Variants in TMEM50B observed in about 807,000 individuals in gnomAD.
TMEM50B encodes the protein transmembrane protein 50B.
TMEM50B carries 14 observed loss-of-function variants against 23.4 expected under a neutral mutation model. The ratio of observed to expected loss-of-function variants is 0.60; its 90% CI spans 0.39 to 0.93. TMEM50B has a LOEUF of 0.93. TMEM50B is among the 40% of genes least tolerant of loss of function. The pLI is 0.00. For missense variants in TMEM50B, 159 were observed against 193.0 expected (o/e 0.82, Z 1.04); for synonymous variants, 64 against 62.3 (o/e 1.03, Z -0.13).
At chr21:33,475,756 A>G (rs374767304) in intron 1 of TMEM50B, among the ~76,000 whole-genome samples, 4 of 152,042 alleles carry the variant, frequency 2.6e-5, no homozygotes, top group Non-Finnish European at 5.9e-5. Flanking sequence ...AGAACAAGAC[A>G]ATCCTGGCTA....
At chr21:33,459,681 A>AT (rs1256396951) in intron 5 of TMEM50B, among the ~76,000 whole-genome samples, 1 of 151,566 alleles carries the variant, frequency 6.6e-6, no homozygotes, top group Admixed American at 6.6e-5. Context: ...AAAAAAAAAA[A>AT]AAATTACAGG....
intron 4 of TMEM50B, among the ~76,000 whole-genome samples, chr21:33,462,108 G>C (rs950785868): frequency 1.3e-4 from 20 of 151,952 alleles, no homozygotes; most frequent in African/African-American, 4.8e-4. Context: ...TTTCTACCTA[G>C]TTCCTGTTCT....
rs1260904303 is a variant in TMEM50B at position 33,451,622 on chromosome 21, G to A, written c.432-759C>T. ...TAAGGAGGCGGGAGCAGAGAGATGG[G>A]ACACTCCAGGGCCATGAGTTGAGCT... On this transcript the variant is annotated intron_variant, in intron 6 of 6. Coordinates refer to ENST00000542230, the MANE Select transcript of TMEM50B (RefSeq NM_006134.7). Among the ~76,000 whole-genome samples the A allele has an allele frequency of 1.3e-5, 2 of 152,092 alleles. 1 individual carries two copies. Among genetic ancestry groups the A allele is most frequent in the Middle Eastern group, 6.3e-3 (2 of 316 alleles).
intron 1 of TMEM50B, among the ~76,000 whole-genome samples, chr21:33,474,275 G>A (rs189712059): frequency 2.6e-5 from 4 of 152,024 alleles, no homozygotes; most frequent in Non-Finnish European, 5.9e-5. Context: ...GAACTCAAGC[G>A]ATCTGCCTGC....
At chr21:33,471,785 C>G (rs1178666093) in intron 1 of TMEM50B, among the ~76,000 whole-genome samples, 3 of 152,124 alleles carry the variant, frequency 2.0e-5, no homozygotes, top group Non-Finnish European at 4.4e-5. Flanking sequence ...CCTGTAATCC[C>G]AGCACTTTGG....
At chr21:33,457,906 A>AT (rs564563283) in intron 5 of TMEM50B, among the ~76,000 whole-genome samples, 1 of 152,010 alleles carries the variant, frequency 6.6e-6, no homozygotes, top group Non-Finnish European at 1.5e-5. Context: ...CTAGGGTTAT[A>AT]TTTTTTAATA....
Position 33,467,544 on chromosome 21 carries a change from A to C in TMEM50B, c.100-422T>G, listed in dbSNP as rs535202604. 9.2e-5 allele frequency among the ~76,000 whole-genome samples: 14 copies of C among 152,290 alleles called. No homozygotes were observed. The South Asian group carries it at 2.5e-3, about 27-fold the overall frequency. Reference sequence around the variant, plus strand: ...GAGGCTGAAGCAGGAGAATCGCTTAAACCCAGGAGGTGGAGGCTGCAATGA... The same window carrying C: ...GAGGCTGAAGCAGGAGAATCGCTTACACCCAGGAGGTGGAGGCTGCAATGA... On this transcript the variant is annotated intron_variant, in intron 2 of 6. Transcript: ENST00000542230.
chr21:33,477,910 T>C (rs992428159), intron 1 of TMEM50B, among the ~76,000 whole-genome samples: 6 of 150,708 alleles, frequency 4.0e-5, no homozygotes, highest in Admixed American at 2.6e-4. Flanking sequence ...CTGAGGCAGG[T>C]GGATCACGAG....
intron 6 of TMEM50B, among the ~76,000 whole-genome samples, chr21:33,453,411 CAATAGA>C (rs1165020047): frequency 2.0e-5 from 3 of 151,818 alleles, no homozygotes; most frequent in African/African-American, 7.2e-5. Context: ...TAAAATGTAA[CAATAGA>C]AACTATCCAA....
chr21:33,443,274 T>G (rs956190884), intron 7 of TMEM50B, among the ~76,000 whole-genome samples: 5 of 152,232 alleles, frequency 3.3e-5, no homozygotes, highest in Non-Finnish European at 5.9e-5. Context: ...TTCTGAAATT[T>G]TCCTGTGACC....
intron 8 of TMEM50B, among the ~76,000 whole-genome samples, chr21:33,433,742 G>C (rs2083914088): frequency 6.6e-6 from 1 of 152,020 alleles, no homozygotes; most frequent in Non-Finnish European, 1.5e-5. Flanking sequence ...CACCTAAAAA[G>C]AGTTATGATG....
chr21:33,451,934 G>C (rs1456423399), intron 6 of TMEM50B, among the ~76,000 whole-genome samples: 2 of 152,162 alleles, frequency 1.3e-5, no homozygotes, highest in African/African-American at 4.8e-5. Flanking sequence ...GTAAATAAAA[G>C]AGGTTGTACC....
chr21:33,464,804 C>CAAAAAAAAAAAGAAAAA (rs2084250008), intron 4 of TMEM50B, among the ~76,000 whole-genome samples: 1 of 100,896 alleles, frequency 9.9e-6, no homozygotes, highest in East Asian at 2.7e-4. Flanking sequence ...AACTCCGTCT[C>CAAAAAAAAAAAGAAAAA]AAAAAAAAAA....
At chr21:33,436,782 C>T (rs747875445) in intron 8 of TMEM50B, 1 of 1,555,710 alleles carries the variant, frequency 6.4e-7, no homozygotes, top group Non-Finnish European at 8.9e-7. Flanking sequence ...GTCTGGTATA[C>T]TGAACTGGTA....
At chr21:33,454,786 T>G (rs1333251024) in intron 6 of TMEM50B, among the ~76,000 whole-genome samples, 1 of 152,142 alleles carries the variant, frequency 6.6e-6, no homozygotes, top group Non-Finnish European at 1.5e-5. Flanking sequence ...ATTTACTAGC[T>G]AGGCATCCTA....
At chr21:33,432,815 G>A in intron 8 of TMEM50B, 1 of 1,613,792 alleles carries the variant, frequency 6.2e-7, no homozygotes, top group Non-Finnish European at 8.5e-7. Context: ...GAAATATAGA[G>A]GCCTGATTAA....
chr21:33,447,681 T>TACACAC (rs764155101), downstream of TMEM50B, among the ~76,000 whole-genome samples: 8,428 of 131,732 alleles, frequency 0.064, 295 homozygotes, highest in Admixed American at 0.11. Flanking sequence ...TGTATAGAAA[T>TACACAC]ACACACACAC....
rs1254493690 is a variant in TMEM50B at position 33,449,925 on chromosome 21, T to C, written c.*893A>G. 1.3e-5 allele frequency: 2 copies of C among 152,656 alleles called. No individual in the cohort carries two copies. The highest frequency in any genetic ancestry group is 3.8e-4 in the East Asian group (2 of 5,202). The allele number at this position is 152,656 out of a possible 1,614,324, so 9.5% of individuals were successfully genotyped here. A position where few individuals can be genotyped will look rare whatever the true frequency, so the allele number is the denominator to read the frequency against. On this transcript the variant is annotated 3_prime_UTR_variant, in exon 7 of 7. Transcript: ENST00000542230. Reference sequence around the variant, plus strand: ...AGTAACCATAAAAAACTGAGTTTATTTGATCATGTATTATCCCTTCTCACA... The same window carrying C: ...AGTAACCATAAAAAACTGAGTTTATCTGATCATGTATTATCCCTTCTCACA...
At chr21:33,437,101 C>A in intron 8 of TMEM50B, 1 of 732,872 alleles carries the variant, frequency 1.4e-6, no homozygotes, top group Non-Finnish European at 2.3e-6. Context: ...ACATGAGAGA[C>A]AGCAGGTCTC....
Sources: gnomAD v4.1 joint callset for allele counts (sites outside exome capture counted in the v4.1 genomes callset) on GRCh38, gnomAD v4.1.1 for gene constraint, MANE v1.5 for transcripts, NCBI Gene and HGNC (gene_info 2026-07-23, HGNC 2026-07-21) for gene names.